ZBTB25: variants seen among roughly 807,000 people sequenced by gnomAD.
ZBTB25 encodes zinc finger and BTB domain-containing protein 25.
In ZBTB25, 20 loss-of-function variants were observed where a neutral mutation model predicts 34.2. That is an observed-to-expected ratio of 0.58 (90% confidence interval 0.41 to 0.85). The LOEUF (loss-of-function observed/expected upper bound fraction) is 0.85. Ranked by LOEUF, ZBTB25 falls within the 40% of genes least tolerant of loss-of-function variation. ZBTB25 has a pLI of 0.00. For synonymous variants in ZBTB25, 175 were observed against 186.4 expected, an observed-to-expected ratio of 0.94 and a Z score of 0.50; for missense variants, 437 against 521.8, an observed-to-expected ratio of 0.84 and a Z score of 1.58.
Position 64,487,938 on chromosome 14 carries a change from C to T in ZBTB25, c.293G>A (p.Gly98Glu), listed in dbSNP as rs2078935417. The change falls in exon 3 of 3, where the codon GGG becomes GAG. Residue 98 changes from glycine (G) to glutamate (E), a missense_variant. Gly to Glu is a moderately conservative substitution (Grantham distance 98). Transcript: ENST00000608382. ...QIVDHSRLEE[G>E]IRFLHADYLS... Reference sequence around the variant, plus strand: ...GTAGTCGGCGTGAAGAAATCGAATCCCTTCCTCCAAACGACTATGATCCAC... The same window carrying T: ...GTAGTCGGCGTGAAGAAATCGAATCTCTTCCTCCAAACGACTATGATCCAC... 6.2e-7 allele frequency: 1 copy of T among 1,613,944 alleles called. No individual in the cohort carries two copies.
chr14:64,502,455 C>T (rs1232403298), intron 1 of ZBTB25: 1 of 172,244 alleles, frequency 5.8e-6, no homozygotes, highest in African/African-American at 2.4e-5. Context: ...ACTTTGATGC[C>T]TTAACATAAG....
chr14:64,471,149 C>A (rs199669358), intron 2 of ZBTB25: 10 of 148,300 alleles, frequency 6.7e-5, no homozygotes, highest in African/African-American at 2.3e-4. Context: ...TCACTATTTT[C>A]TTTTCTTTTT....
chr14:64,451,494 T>C (rs1342536013), intron 2 of ZBTB25, among the ~76,000 whole-genome samples: 1 of 152,280 alleles, frequency 6.6e-6, no homozygotes, highest in Admixed American at 6.5e-5. Flanking sequence ...TGTTGAGCTT[T>C]GATTTTATAG....
rs2078851116 is a variant in ZBTB25, at chr14:64,485,698, T to A, written c.*1225A>T. 7.1e-6 allele frequency: 7 copies of A among 985,308 alleles called. No individual in the cohort carries two copies. In the Admixed American group the frequency reaches 3.1e-4, roughly 43 times the overall value. 61.0% of individuals were successfully genotyped at this position (985,308 alleles called of 1,614,324 possible). On this transcript the variant is annotated 3_prime_UTR_variant, in exon 3 of 3. Coordinates refer to ENST00000608382, the MANE Select transcript of ZBTB25 (RefSeq NM_006977.5). ...GAAAACTGTGCCACTGAAAAATTAC[T>A]TTTTCAGTGATTTTTAGAAAATTAA...
chr14:64,503,293 G>C, intron 1 of ZBTB25: 1 of 985,456 alleles, frequency 1.0e-6, no homozygotes, highest in Non-Finnish European at 1.2e-6. Context: ...GCTCGTAAGA[G>C]GGGTCGGCGC....
rs1239152794 is a variant in ZBTB25 at position 64,478,620 on chromosome 14, G to A, written c.*8303C>T. 6.6e-6 allele frequency: 1 copy of A among 152,154 alleles called. No homozygotes were observed. Among genetic ancestry groups the A allele is most frequent in the Non-Finnish European group, 1.5e-5 (1 of 68,048 alleles). The allele number at this position is 152,154 out of a possible 1,614,324, so 9.4% of individuals were successfully genotyped here. A position where few individuals can be genotyped will look rare whatever the true frequency, so the allele number is the denominator to read the frequency against. On this transcript the variant is annotated 3_prime_UTR_variant, in exon 3 of 3. Transcript: ENST00000608382. ...GGAAAAATCTTCAGAAATGCTCAAT[G>A]TAGCACAATAATGTGATATTTTAAA...
chr14:64,485,433 A>G lies in ZBTB25; in HGVS notation c.*1490T>C. 1.0e-6 allele frequency: 1 copy of G among 985,454 alleles called. No homozygotes were observed. Among genetic ancestry groups the G allele is most frequent in the Non-Finnish European group, 1.2e-6 (1 of 829,910 alleles). 61.0% of individuals were successfully genotyped at this position (985,454 alleles called of 1,614,324 possible). Reference sequence around the variant, plus strand: ...TTGAAATTTAAACATTTCAGAAACAATTTAGATCTATCCTTTGTGGTGAAG... The same window carrying G: ...TTGAAATTTAAACATTTCAGAAACAGTTTAGATCTATCCTTTGTGGTGAAG... On this transcript the variant is annotated 3_prime_UTR_variant, in exon 3 of 3. Transcript: ENST00000608382.
At chr14:64,452,878 ATTATT>A (rs1419073644) in intron 2 of ZBTB25, among the ~76,000 whole-genome samples, 3 of 151,790 alleles carry the variant, frequency 2.0e-5, no homozygotes, top group Non-Finnish European at 4.4e-5. Context: ...AATTTTTATT[ATTATT>A]TTAAAATTTT....
At chr14:64,458,573 A>G (rs1239782925) in intron 2 of ZBTB25, 11 of 487,048 alleles carry the variant, frequency 2.3e-5, no homozygotes, top group African/African-American at 3.9e-5. Context: ...CTGTCCAATA[A>G]ACTACAGAGG....
intron 1 of ZBTB25, chr14:64,502,711 T>C (rs1286156108): frequency 1.0e-6 from 1 of 985,468 alleles, no homozygotes; most frequent in Non-Finnish European, 1.2e-6. Flanking sequence ...GGTCCTGGCA[T>C]GGTGGAGAGT....
chr14:64,492,898 T>C (rs544658588), intron 1 of ZBTB25, among the ~76,000 whole-genome samples: 7 of 151,972 alleles, frequency 4.6e-5, no homozygotes, highest in Non-Finnish European at 1.0e-4. Flanking sequence ...ACAGGAAAGA[T>C]AAAACATCAA....
At chr14:64,455,940 T>C (rs1342542081) in intron 2 of ZBTB25, among the ~76,000 whole-genome samples, 1 of 152,366 alleles carries the variant, frequency 6.6e-6, no homozygotes, top group East Asian at 1.9e-4. Flanking sequence ...CTTGCTATGA[T>C]GTACATCAGT....
Position 64,487,074 on chromosome 14 carries a change from T to C in ZBTB25, c.1157A>G (p.Asn386Ser). 3.1e-6 allele frequency: 5 copies of C among 1,614,246 alleles called. No individual in the cohort carries two copies. Among genetic ancestry groups the C allele is most frequent in the Non-Finnish European group, 4.2e-6 (5 of 1,180,036 alleles). Reference protein sequence around the residue: ...YRYNRCQRFGNALAQRFQPYC... With the variant: ...YRYNRCQRFGSALAQRFQPYC... ...TGGCTGAAATCTCTGGGCCAATGCA[T>C]TACCAAACCTTTGGCATCGGTTATA... The change falls in exon 3 of 3, where the codon AAT (asparagine) becomes AGT (serine). Residue 386 changes from asparagine to serine, a missense_variant. By Grantham distance (46) the Asn-to-Ser change is conservative. Transcript: ENST00000608382.
At position 64,487,633 on chromosome 14, in the gene ZBTB25, G is replaced by C; in HGVS notation, c.598C>G (p.Pro200Ala). 1 of 1,605,174 alleles carries C rather than the reference G, an allele frequency of 6.2e-7. No homozygotes were observed. The highest frequency in any genetic ancestry group is 8.5e-7 in the Non-Finnish European group (1 of 1,175,856). Residue 200 changes from proline (P) to alanine (A), a missense_variant, in exon 3 of 3, where the codon CCA (proline) becomes GCA (alanine). Coordinates refer to ENST00000608382, the MANE Select transcript of ZBTB25 (RefSeq NM_006977.5). ...CATCTCTCCTGCTTGATGGAAACTG[G>C]GGGCTTCTGGTGCTCCTCCAGGGCC... ...TQALEEHQKP[P>A]VSIKQERCDP...
chr14:64,460,356 A>ACTGT (rs568644934), intron 2 of ZBTB25: 1 of 183,802 alleles, frequency 5.4e-6, no homozygotes, highest in Non-Finnish European at 1.2e-5. Context: ...CAGCTTTAGC[A>ACTGT]CTGTCTATGT....
At position 64,486,091 on chromosome 14, in the gene ZBTB25, A is replaced by C; in HGVS notation, c.*832T>G. On this transcript the variant is annotated 3_prime_UTR_variant, in exon 3 of 3. Transcript: ENST00000608382. ...AAGGCGGGCAGATGACGAGGTCAGG[A>C]GATCGAGACCATCCTGGCTAACACG... 2.5e-6 allele frequency: 2 copies of C among 816,104 alleles called. No homozygotes were observed. Among genetic ancestry groups the C allele is most frequent in the Non-Finnish European group, 3.0e-6 (2 of 676,212 alleles). The allele number at this position is 816,104 out of a possible 1,614,324, so 50.6% of individuals were successfully genotyped here. A position where few individuals can be genotyped will look rare whatever the true frequency, so the allele number is the denominator to read the frequency against.
At chr14:64,453,944 C>T in intron 2 of ZBTB25, 1 of 848,158 alleles carries the variant, frequency 1.2e-6, no homozygotes, top group South Asian at 1.4e-5. Flanking sequence ...CCAGCCCTGC[C>T]AAGTACCCGT....
chr14:64,489,817 A>G (rs2079015379), intron 2 of ZBTB25, among the ~76,000 whole-genome samples: 1 of 151,374 alleles, frequency 6.6e-6, no homozygotes. Flanking sequence ...TACAGGCGTG[A>G]GCCATGGCGC....
intron 1 of ZBTB25, chr14:64,503,113 A>G (rs919712253): frequency 1.3e-5 from 13 of 985,420 alleles, no homozygotes; most frequent in African/African-American, 8.7e-5. Flanking sequence ...GAAGACGGTG[A>G]TAAGATGGGT....
Sources: gnomAD v4.1 joint callset for allele counts (sites outside exome capture counted in the v4.1 genomes callset) on GRCh38, gnomAD v4.1.1 for gene constraint, MANE v1.5 for transcripts, NCBI Gene and HGNC (gene_info 2026-07-23, HGNC 2026-07-21) for gene names.